CAMK2D: variants seen among roughly 807,000 people sequenced by gnomAD.
The protein encoded by CAMK2D is calcium/calmodulin dependent protein kinase II delta.
Under a neutral mutation model 84.0 loss-of-function variants are expected in CAMK2D, and 37 were observed. That is an observed-to-expected ratio of 0.44 (90% CI 0.34 to 0.58). The LOEUF (loss-of-function observed/expected upper bound fraction) is 0.58, where lower values mean the gene tolerates loss of function less well. CAMK2D is among the 20% of genes least tolerant of loss of function. The pLI is 0.02. For synonymous variants in CAMK2D, 202 were observed against 212.5 expected (o/e 0.95, Z 0.43); for missense variants, 448 against 652.5 (o/e 0.69, Z 3.41).
chr4:113,493,777 C>T (rs1468615939), intron 16 of CAMK2D, among the ~76,000 whole-genome samples: 3 of 151,788 alleles, frequency 2.0e-5, no homozygotes, highest in Admixed American at 6.6e-5. Context: ...CTTTCAGGTA[C>T]ACCAATCAGA....
At chr4:113,547,830 G>T in intron 5 of CAMK2D, 114 bp from the exon 6 acceptor site, 1 of 553,426 alleles carries the variant, frequency 1.8e-6, no homozygotes, top group South Asian at 2.7e-5. Context: ...GGGTTGTATT[G>T]TACCACCTTC....
At position 113,701,917 on chromosome 4, in the gene CAMK2D, A is replaced by G. The variant is rs534266596; in HGVS notation, c.161-40145T>C. On this transcript the variant is annotated intron_variant, in intron 2 of 20. Transcript: ENST00000511664. ...GGTTTCACCATGTTGCCCAGGCTAG[A>G]CTGGAACTCCTGGGTTCATGTGATC... is the stretch of plus-strand genomic sequence containing the variant. Among the ~76,000 whole-genome samples the G allele has an allele frequency of 3.3e-5, 5 of 152,150 alleles. No individual in the cohort carries two copies. The East Asian group carries it at 9.7e-4, about 29-fold the overall frequency.
At chr4:113,526,111 T>G (rs989098611) in intron 8 of CAMK2D, among the ~76,000 whole-genome samples, 4 of 152,138 alleles carry the variant, frequency 2.6e-5, no homozygotes, top group African/African-American at 9.7e-5. Flanking sequence ...AAAGAATACA[T>G]TATAATGTTC....
chr4:113,570,664 A>C (rs1041051203), intron 4 of CAMK2D, among the ~76,000 whole-genome samples: 1 of 152,348 alleles, frequency 6.6e-6, no homozygotes, highest in South Asian at 2.1e-4. Flanking sequence ...TAGATTAAAG[A>C]CTTAAATGTA....
chr4:113,682,040 T>C (rs953625900), intron 2 of CAMK2D, among the ~76,000 whole-genome samples: 4 of 152,200 alleles, frequency 2.6e-5, no homozygotes, highest in Non-Finnish European at 4.4e-5. Context: ...TTAAATCCTA[T>C]TCTACCCCTT....
chr4:113,534,273 C>T (rs941874202), intron 7 of CAMK2D, among the ~76,000 whole-genome samples: 1 of 152,082 alleles, frequency 6.6e-6, no homozygotes, highest in African/African-American at 2.4e-5. Context: ...CTGAAAGAAA[C>T]GTAGAACACC....
At chr4:113,680,718 C>T (rs903396119) in intron 2 of CAMK2D, among the ~76,000 whole-genome samples, 2 of 152,152 alleles carry the variant, frequency 1.3e-5, no homozygotes, top group Non-Finnish European at 2.9e-5. Flanking sequence ...TCACATAGAA[C>T]AAACGTTCTT....
intron 9 of CAMK2D, among the ~76,000 whole-genome samples, chr4:113,515,719 A>C (rs1394172794): frequency 6.6e-6 from 1 of 152,230 alleles, no homozygotes; most frequent in East Asian, 1.9e-4. Flanking sequence ...CCTATTAATC[A>C]GGGCTACTTG....
chr4:113,505,139 G>C (rs1174801945), intron 13 of CAMK2D, 104 bp from the exon 14 acceptor site: 4 of 540,618 alleles, frequency 7.4e-6, no homozygotes, highest in African/African-American at 2.0e-5. Flanking sequence ...TGAAGATAAA[G>C]AGCCACTGAA....
intron 3 of CAMK2D, among the ~76,000 whole-genome samples, chr4:113,661,365 T>C (rs2099231232): frequency 6.6e-6 from 1 of 152,172 alleles, no homozygotes; most frequent in Non-Finnish European, 1.5e-5. Context: ...AAAGCTAATA[T>C]AACCAGGGAT....
intron 3 of CAMK2D, among the ~76,000 whole-genome samples, chr4:113,621,513 C>T (rs935175833): frequency 1.3e-5 from 2 of 152,096 alleles, no homozygotes; most frequent in African/African-American, 4.8e-5. Flanking sequence ...AATATATTTA[C>T]GTCTATATTC....
chr4:113,700,179 G>C (rs1289493061), intron 2 of CAMK2D, among the ~76,000 whole-genome samples: 1 of 152,084 alleles, frequency 6.6e-6, no homozygotes, highest in Non-Finnish European at 1.5e-5. Context: ...TAACTTTAAA[G>C]AGGCAACCAT....
intron 17 of CAMK2D, among the ~76,000 whole-genome samples, chr4:113,461,886 A>T (rs1201741228): frequency 6.6e-6 from 1 of 152,196 alleles, no homozygotes; most frequent in Non-Finnish European, 1.5e-5. Flanking sequence ...TGTTTATAGA[A>T]CGTGGAACCG....
At position 113,738,218 on chromosome 4, in the gene CAMK2D, A is replaced by C. The variant is rs2099585646; in HGVS notation, c.160+21102T>G. ...TAAATATGTTCTTTGAAAAAAAAAAAAAAACTACTGTGAGAAAAAACTAAG... is the reference window on the plus strand; with the variant it reads ...TAAATATGTTCTTTGAAAAAAAAAACAAAACTACTGTGAGAAAAAACTAAG... On this transcript the variant is annotated intron_variant, in intron 2 of 20. Coordinates refer to ENST00000511664, the MANE Select transcript of CAMK2D (RefSeq NM_001321571.2). Among the ~76,000 whole-genome samples the C allele has an allele frequency of 2.0e-5, 3 of 152,046 alleles. No individual in the cohort carries two copies. In the South Asian group the frequency reaches 6.2e-4, roughly 31 times the overall value.
In CAMK2D at chr4:113,625,110, T is replaced by G. The variant is rs146002549; in HGVS notation, c.221-15904A>C. ...ACAGGAGGTAGCAGCAGGATCAGACTTATCTTCTAGTTACATGTACATACT... is the reference window on the plus strand; with the variant it reads ...ACAGGAGGTAGCAGCAGGATCAGACGTATCTTCTAGTTACATGTACATACT... On this transcript the variant is annotated intron_variant, in intron 3 of 20. Transcript: ENST00000511664. Among the ~76,000 whole-genome samples the G allele has an allele frequency of 8.5e-4, 130 of 152,314 alleles. 2 individuals carry two copies. In the East Asian group the frequency reaches 0.022, roughly 26 times the overall value.
chr4:113,591,546 A>G (rs1398825748), intron 4 of CAMK2D, among the ~76,000 whole-genome samples: 2 of 152,198 alleles, frequency 1.3e-5, no homozygotes, highest in Non-Finnish European at 2.9e-5. Flanking sequence ...TGATTTCTCT[A>G]AATGTGTATC....
chr4:113,698,039 A>G (rs887241988), intron 2 of CAMK2D, among the ~76,000 whole-genome samples: 1 of 152,122 alleles, frequency 6.6e-6, no homozygotes, highest in African/African-American at 2.4e-5. Flanking sequence ...CATTTAATAC[A>G]TCTAACTTAA....
At chr4:113,595,440 T>TTGTG (rs71582188) in intron 4 of CAMK2D, among the ~76,000 whole-genome samples, 3,549 of 143,452 alleles carry the variant, frequency 0.025, 129 homozygotes, top group African/African-American at 0.078. Flanking sequence ...TTATGTATGC[T>TTGTG]TGTGTGTGTG....
chr4:113,539,080 C>G (rs565321310), intron 6 of CAMK2D, among the ~76,000 whole-genome samples: 1 of 152,258 alleles, frequency 6.6e-6, no homozygotes, highest in South Asian at 2.1e-4. Context: ...GGAACTTTAT[C>G]AATATACTAT....
Sources: allele counts gnomAD v4.1 joint callset (sites outside exome capture counted in the v4.1 genomes callset), GRCh38; gene constraint gnomAD v4.1.1; transcripts MANE v1.5; gene names NCBI Gene and HGNC (gene_info 2026-07-23, HGNC 2026-07-21).